The following DNAH12 variants were observed in gnomAD, a reference collection of about 807,000 sequenced individuals.
The protein encoded by DNAH12 is dynein axonemal heavy chain 12.
DNAH12 carries 285 observed loss-of-function variants against 371.5 expected under a neutral mutation model. The ratio of observed to expected loss-of-function variants is 0.77; its 90% confidence interval spans 0.70 to 0.85. The LOEUF is 0.85. DNAH12 is among the 40% of genes least tolerant of loss of function. DNAH12 has a pLI of 0.00. For synonymous variants in DNAH12, 1,200 were observed against 1,213.0 expected (o/e 0.99, Z 0.22); for missense variants, 3,611 against 3,689.4 (o/e 0.98, Z 0.55).
Position 57,498,815 on chromosome 3 carries a change from T to C in DNAH12, c.1335+2506A>G, listed in dbSNP as rs566882796. On this transcript the variant is annotated intron_variant, in intron 11 of 73. Coordinates refer to ENST00000495027, the MANE Select transcript of DNAH12 (RefSeq NM_001366028.2). ...GAGGTCGAGACCATCCTGGCTAACA[T>C]GGTGAAACCCCATCTCTACTAAAAA... 5.3e-5 allele frequency among the ~76,000 whole-genome samples: 8 copies of C among 152,124 alleles called. No individual in the cohort carries two copies. The South Asian group carries it at 1.7e-3, about 32-fold the overall frequency.
intron 11 of DNAH12, among the ~76,000 whole-genome samples, chr3:57,499,643 A>ATATATATATAT (rs1307559756): frequency 2.4e-4 from 6 of 24,588 alleles, no homozygotes; most frequent in African/African-American, 8.6e-4. Flanking sequence ...AAAAAAAAAA[A>ATATATATATAT]AAAAATATAT....
At chr3:57,421,491 T>C (rs1321097616) in intron 36 of DNAH12, 27 bp downstream of exon 36, 1 of 1,549,954 alleles carries the variant, frequency 6.5e-7, no homozygotes. Context: ...TGTTTTATCT[T>C]ACCATAACAA....
At chr3:57,522,650 C>G (rs1017801851) in intron 4 of DNAH12, among the ~76,000 whole-genome samples, 1 of 152,136 alleles carries the variant, frequency 6.6e-6, no homozygotes, top group Non-Finnish European at 1.5e-5. Flanking sequence ...CAGCCTCTAT[C>G]CCCCAAAGTG....
In DNAH12 at chr3:57,314,627, C is replaced by T; in HGVS notation, c.10529G>A (p.Trp3510Ter). Residue 3510 changes from tryptophan (W) to a stop codon, truncating the protein, a stop_gained, in exon 66 of 74, where the codon TGG becomes TAG. Coordinates refer to ENST00000495027, the MANE Select transcript of DNAH12 (RefSeq NM_001366028.2). LOFTEE classifies it high-confidence loss of function. ...ACAAACTCCAAACAGTAACTTCTCC[C>T]AGGCCTTTAATATAAAAAGTACATA... ...FKGCRGKELAWEKLLFGVCFF... is the reference protein window; with the variant it reads ...FKGCRGKELA The T allele has an allele frequency of 6.5e-7, 1 of 1,538,980 alleles. No individual in the cohort carries two copies. The highest frequency in any genetic ancestry group is 8.7e-7 in the Non-Finnish European group (1 of 1,144,396).
In DNAH12 at chr3:57,520,065, G is replaced by A; in HGVS notation, c.279+3518C>T. On this transcript the variant is annotated intron_variant, in intron 4 of 73. Coordinates refer to ENST00000495027, the MANE Select transcript of DNAH12 (RefSeq NM_001366028.2). Reference sequence around the variant, plus strand: ...TGGGTTGGGGAAAGCCGGAGGCTGTGGCGGCTCTGTGGCTACAGCGTTACC... The same window carrying A: ...TGGGTTGGGGAAAGCCGGAGGCTGTAGCGGCTCTGTGGCTACAGCGTTACC... The A allele has an allele frequency of 6.8e-6, 4 of 587,336 alleles. 1 individual carries two copies. The South Asian group carries it at 7.9e-5, about 12-fold the overall frequency. The allele number at this position is 587,336 out of a possible 1,614,324, so 36.4% of individuals were successfully genotyped here.
Position 57,428,761 on chromosome 3 carries a change from G to T in DNAH12, c.5125C>A (p.Pro1709Thr). The stretch of plus-strand genomic sequence containing the variant: ...GAATTCAACCAAGAAGACACAAGTG[G>T]TTCCCATCCTAACTGTGAAGGCTCC... Reference protein sequence around the residue: ...YLEPSQLGWEPLVSSWLNSLK... With the variant: ...YLEPSQLGWETLVSSWLNSLK... Residue 1709 changes from proline (P) to threonine (T), a missense_variant, in exon 34 of 74, where the codon CCA becomes ACA. By Grantham distance (38) the Pro-to-Thr change is conservative. Around this residue, in one of 3 missense-constraint regions of DNAH12, gnomAD observed 2,266 missense variants for 2,236.9 expected, o/e 1.01. Coordinates refer to ENST00000495027, the MANE Select transcript of DNAH12 (RefSeq NM_001366028.2). 3 of 1,551,258 alleles carry T rather than the reference G, an allele frequency of 1.9e-6. No homozygotes were observed. Among genetic ancestry groups the T allele is most frequent in the Non-Finnish European group, 2.6e-6 (3 of 1,146,886 alleles).
chr3:57,526,246 C>T (rs2068641591), intron 2 of DNAH12, among the ~76,000 whole-genome samples: 1 of 152,126 alleles, frequency 6.6e-6, no homozygotes, highest in Admixed American at 6.5e-5. Flanking sequence ...TAAGTGAAAA[C>T]ATGCAATGTT....
chr3:57,299,873 G>C (rs893534387), intron 70 of DNAH12, among the ~76,000 whole-genome samples: 1 of 152,132 alleles, frequency 6.6e-6, no homozygotes, highest in Non-Finnish European at 1.5e-5. Flanking sequence ...TGACTAAAAA[G>C]GAGATCGATA....
chr3:57,453,382 C>A lies in DNAH12; in HGVS notation c.3478G>T (p.Glu1160Ter). The A allele has an allele frequency of 6.5e-7, 1 of 1,543,440 alleles. No homozygotes were observed. Among genetic ancestry groups the A allele is most frequent in the Non-Finnish European group, 8.7e-7 (1 of 1,144,564 alleles). The change falls in exon 24 of 74, where the codon GAA becomes TAA. Residue 1160 changes from glutamate to a stop codon, truncating the protein, a stop_gained. Coordinates refer to ENST00000495027, the MANE Select transcript of DNAH12 (RefSeq NM_001366028.2). LOFTEE classifies it high-confidence loss of function. The stretch of plus-strand genomic sequence containing the variant: ...ATCTCATTCAGTTGGTTCTGAAGTT[C>A]CTTATAATACTTCTTTAATCCCTAC... The part of the protein sequence containing the change: ...GTEGLKKYYK[E>*]LQNQLNEIVE...
Position 57,408,273 on chromosome 3 carries a change from G to C in DNAH12, c.6276+7C>G, listed in dbSNP as rs1553681897. 2 of 1,527,116 alleles carry C rather than the reference G, an allele frequency of 1.3e-6. No homozygotes were observed. Among genetic ancestry groups the C allele is most frequent in the Non-Finnish European group, 8.8e-7 (1 of 1,137,014 alleles). 94.6% of individuals were successfully genotyped at this position (1,527,116 alleles called of 1,614,324 possible). A position where few individuals can be genotyped will look rare whatever the true frequency, so the allele number is the denominator to read the frequency against. ...ACTAAAACATTTACATTGCATTATT[G>C]ACTGACCTCCATAGTCCCATTGACT... On this transcript the variant is annotated splice_region_variant and intron_variant, in intron 40 of 73. Transcript: ENST00000495027.
At chr3:57,364,522 T>C (rs1265313221) in intron 57 of DNAH12, among the ~76,000 whole-genome samples, 1 of 151,610 alleles carries the variant, frequency 6.6e-6, no homozygotes, top group African/African-American at 2.4e-5. Context: ...ATATTTGGGG[T>C]TTTACATTTA....
intron 10 of DNAH12, 31 bp from the exon 11 acceptor site, chr3:57,501,443 A>T: frequency 6.6e-7 from 1 of 1,512,276 alleles, no homozygotes; most frequent in Non-Finnish European, 9.0e-7. Context: ...TAAAATCTCA[A>T]TAATACCCTT....
chr3:57,318,484 T>C (rs982737491), intron 65 of DNAH12, among the ~76,000 whole-genome samples: 2 of 150,572 alleles, frequency 1.3e-5, no homozygotes, highest in African/African-American at 4.9e-5. Flanking sequence ...GTAGATTGAT[T>C]TCTGAGCTCT....
intron 62 of DNAH12, among the ~76,000 whole-genome samples, chr3:57,332,409 A>G (rs2062119654): frequency 6.6e-6 from 1 of 152,216 alleles, no homozygotes; most frequent in East Asian, 1.9e-4. Flanking sequence ...ACCACAAACA[A>G]TTTAAAAAAC....
chr3:57,533,283 A>G (rs1417839358), intron 2 of DNAH12, among the ~76,000 whole-genome samples: 1 of 152,074 alleles, frequency 6.6e-6, no homozygotes. Flanking sequence ...CCAAGAGCCA[A>G]GGCCTAGAAT....
intron 15 of DNAH12, 101 bp from the exon 16 acceptor site, chr3:57,470,737 C>G: frequency 9.4e-7 from 1 of 1,066,414 alleles, no homozygotes; most frequent in Non-Finnish European, 1.3e-6. Flanking sequence ...ATTTATACAA[C>G]AAGTTTATTT....
chr3:57,339,380 T>TAAAAAAAA (rs59005430), intron 60 of DNAH12, among the ~76,000 whole-genome samples: 2 of 113,354 alleles, frequency 1.8e-5, no homozygotes, highest in Non-Finnish European at 1.9e-5. Context: ...CAATAAATAC[T>TAAAAAAAA]AAAAAAAAAA....
At chr3:57,502,546 A>T in intron 9 of DNAH12, 67 bp from the exon 10 acceptor site, 1 of 1,342,286 alleles carries the variant, frequency 7.4e-7, no homozygotes, top group Non-Finnish European at 1.0e-6. Context: ...ATCTATATGT[A>T]GATCTTTTTT....
At chr3:57,547,177 T>A (rs867461405), upstream of DNAH12, among the ~76,000 whole-genome samples, 58 of 142,676 alleles carry the variant, frequency 4.1e-4, no homozygotes, top group South Asian at 1.1e-3. Flanking sequence ...TTTAAAAAAA[T>A]ATATATATAT....
Sources: gnomAD v4.1 joint callset for allele counts (sites outside exome capture counted in the v4.1 genomes callset) on GRCh38, gnomAD v4.1.1 for gene constraint, gnomAD v4.1.1 regional missense constraint, MANE v1.5 for transcripts, NCBI Gene and HGNC (gene_info 2026-07-23, HGNC 2026-07-21) for gene names.